Variants in IQSEC1 observed in about 807,000 individuals in gnomAD.
IQSEC1 encodes IQ motif and Sec7 domain ArfGEF 1.
A neutral mutation model predicts 91.0 loss-of-function variants in IQSEC1; 31 were observed. That is an observed-to-expected ratio of 0.34 (90% confidence interval 0.26 to 0.46). The LOEUF (loss-of-function observed/expected upper bound fraction) is 0.46. Ranked by LOEUF, IQSEC1 falls within the 20% of genes least tolerant of loss-of-function variation. The pLI, the probability that IQSEC1 is intolerant of heterozygous loss-of-function variation, is 1.00. For synonymous variants in IQSEC1, 699 were observed against 662.6 expected (o/e 1.05, Z -0.84); for missense variants, 1,388 against 1,575.6 (o/e 0.88, Z 2.02).
At chr3:13,172,145 A>G (rs1235292825) in intron 1 of IQSEC1, among the ~76,000 whole-genome samples, 2 of 152,140 alleles carry the variant, frequency 1.3e-5, no homozygotes, top group Non-Finnish European at 2.9e-5. Context: ...TCCAAATAGC[A>G]TTTGAGGGAT....
At chr3:13,151,624 AAGGT>A (rs1226103955) in intron 2 of IQSEC1, among the ~76,000 whole-genome samples, 1 of 152,218 alleles carries the variant, frequency 6.6e-6, no homozygotes, top group East Asian at 1.9e-4. Context: ...TTCTACCCAC[AAGGT>A]CATGTTGGAG....
At chr3:13,020,432 G>C (rs1703346931) in intron 1 of IQSEC1, among the ~76,000 whole-genome samples, 1 of 152,160 alleles carries the variant, frequency 6.6e-6, no homozygotes, top group Non-Finnish European at 1.5e-5. Flanking sequence ...TGAGGCCCAG[G>C]GCCCCAGGCA....
intron 1 of IQSEC1, among the ~76,000 whole-genome samples, chr3:13,039,460 C>T (rs1053896307): frequency 6.6e-6 from 1 of 152,186 alleles, no homozygotes; most frequent in Non-Finnish European, 1.5e-5. Context: ...AGTTTGGGAT[C>T]GCCGTTTTAA....
intron 1 of IQSEC1, among the ~76,000 whole-genome samples, chr3:13,239,671 C>T (rs1053205647): frequency 2.6e-5 from 4 of 152,262 alleles, no homozygotes; most frequent in African/African-American, 2.4e-5. Context: ...CGGAGCCCAC[C>T]CACAGGGGTT....
chr3:13,175,107 G>T (rs1474439135), intron 1 of IQSEC1, among the ~76,000 whole-genome samples: 1 of 152,110 alleles, frequency 6.6e-6, no homozygotes, highest in East Asian at 1.9e-4. Context: ...CTCACCAGAT[G>T]GATCCCTGGA....
At chr3:13,254,996 C>A (rs539939250) in intron 1 of IQSEC1, among the ~76,000 whole-genome samples, 1 of 152,328 alleles carries the variant, frequency 6.6e-6, no homozygotes, top group East Asian at 1.9e-4. Context: ...CCTCCCCCAA[C>A]CTCCCTCGAC....
At chr3:13,280,074 G>C (rs550871871) in intron 1 of IQSEC1, among the ~76,000 whole-genome samples, 1 of 152,328 alleles carries the variant, frequency 6.6e-6, no homozygotes, top group East Asian at 1.9e-4. Context: ...TCTCAAAAAA[G>C]TATGGGAGGC....
rs368228641 is a variant in IQSEC1 at position 12,922,951 on chromosome 3, C to T, written c.1731-709G>A. Among the ~76,000 whole-genome samples, 32 of 152,302 alleles carry T rather than the reference C, an allele frequency of 2.1e-4. No individual in the cohort carries two copies. The highest frequency in any genetic ancestry group is 1.0e-3 in the South Asian group (5 of 4,826). On this transcript the variant is annotated intron_variant, in intron 4 of 13. Coordinates refer to ENST00000613206, the MANE Select transcript of IQSEC1 (RefSeq NM_001134382.3). The surrounding 1 kb of genome is among the most constrained non-coding windows in gnomAD (Gnocchi z 5.1). ...CTGGCCAAGCTCCCTAATGATGCTG[C>T]GGTCACTCCCATGGGGCAGAGAGAG...
chr3:13,177,165 G>A (rs1693747504), intron 1 of IQSEC1, among the ~76,000 whole-genome samples: 1 of 152,194 alleles, frequency 6.6e-6, no homozygotes, highest in African/African-American at 2.4e-5. Flanking sequence ...AGCAACCACT[G>A]GATTACACAC....
chr3:13,185,909 T>C (rs1293363544), intron 1 of IQSEC1, among the ~76,000 whole-genome samples: 2 of 152,396 alleles, frequency 1.3e-5, no homozygotes, highest in East Asian at 3.9e-4. Context: ...AGGGCAGAAC[T>C]GCTGCAGGGC....
chr3:13,042,210 G>A (rs890698743), intron 1 of IQSEC1: 5 of 152,264 alleles, frequency 3.3e-5, no homozygotes, highest in African/African-American at 9.6e-5. Flanking sequence ...CCCTGCAATC[G>A]GGCAGGATCA....
chr3:13,002,474 G>A (rs1260321307), intron 1 of IQSEC1, among the ~76,000 whole-genome samples: 1 of 151,676 alleles, frequency 6.6e-6, no homozygotes, highest in Non-Finnish European at 1.5e-5. Context: ...CTGAGCCCAG[G>A]AGTTCGAGAC....
At chr3:12,999,078 C>G (rs759222954) in intron 1 of IQSEC1, among the ~76,000 whole-genome samples, 12 of 152,150 alleles carry the variant, frequency 7.9e-5, no homozygotes, top group Non-Finnish European at 1.6e-4. Context: ...ATGTTTAAAA[C>G]TAATTTCTGA....
At chr3:13,043,662 A>G (rs1704373121) in intron 1 of IQSEC1, among the ~76,000 whole-genome samples, 1 of 152,196 alleles carries the variant, frequency 6.6e-6, no homozygotes, top group Non-Finnish European at 1.5e-5. Context: ...TCTCCTGACT[A>G]CAAGCAACGA....
Position 12,899,793 on chromosome 3 carries a change from C to T in IQSEC1, c.*1190G>A. 3 of 984,086 alleles carry T rather than the reference C, an allele frequency of 3.0e-6. No individual in the cohort carries two copies. Among genetic ancestry groups the T allele is most frequent in the Non-Finnish European group, 3.6e-6 (3 of 829,084 alleles). 61.0% of individuals were successfully genotyped at this position (984,086 alleles called of 1,614,324 possible). A position where few individuals can be genotyped will look rare whatever the true frequency, so the allele number is the denominator to read the frequency against. Reference sequence around the variant, plus strand: ...GAGAGTGGTTCCTGATGAAAACACTCTCTGAGGGCTTCGGCCTGGTGTGGG... The same window carrying T: ...GAGAGTGGTTCCTGATGAAAACACTTTCTGAGGGCTTCGGCCTGGTGTGGG... On this transcript the variant is annotated 3_prime_UTR_variant, in exon 14 of 14. Transcript: ENST00000613206.
At chr3:13,077,486 G>A (rs180850904), upstream of IQSEC1, among the ~76,000 whole-genome samples, 353 of 152,278 alleles carry the variant, frequency 2.3e-3, 1 homozygote, top group African/African-American at 8.3e-3. Context: ...ATCTTTTTCT[G>A]CAACTCTTTC....
At chr3:12,980,770 G>C (rs1291418089) in intron 1 of IQSEC1, among the ~76,000 whole-genome samples, 1 of 151,992 alleles carries the variant, frequency 6.6e-6, no homozygotes, top group African/African-American at 2.4e-5. Flanking sequence ...GCCTCGTCTG[G>C]TCCTCCAGGC....
In IQSEC1 at chr3:12,900,768, C is replaced by T. The variant is rs955215145; in HGVS notation, c.*215G>A. 7.0e-7 allele frequency: 1 copy of T among 1,436,984 alleles called. No individual in the cohort carries two copies. The highest frequency in any genetic ancestry group is 9.1e-7 in the Non-Finnish European group (1 of 1,100,038). 89.0% of individuals were successfully genotyped at this position (1,436,984 alleles called of 1,614,324 possible). A position where few individuals can be genotyped will look rare whatever the true frequency, so the allele number is the denominator to read the frequency against. On this transcript the variant is annotated 3_prime_UTR_variant, in exon 14 of 14. Coordinates refer to ENST00000613206, the MANE Select transcript of IQSEC1 (RefSeq NM_001134382.3). ...CACCCATCCCTCAGACTGAGGTGAG[C>T]AGAGCCCAGGGTGCCAACAAGAAAT...
intron 1 of IQSEC1, among the ~76,000 whole-genome samples, chr3:13,277,802 C>T (rs1181452796): frequency 6.6e-6 from 1 of 152,222 alleles, no homozygotes; most frequent in African/African-American, 2.4e-5. Flanking sequence ...CTCTCGGCCT[C>T]ACTCAGTCTC....
Sources: allele counts gnomAD v4.1 joint callset (sites outside exome capture counted in the v4.1 genomes callset), GRCh38; gene constraint gnomAD v4.1.1; non-coding constraint Gnocchi (gnomAD v3.1); transcripts MANE v1.5; gene names NCBI Gene and HGNC (gene_info 2026-07-23, HGNC 2026-07-21).